The following BEST3 variants were observed in gnomAD, a reference collection of about 807,000 sequenced individuals.
The protein encoded by BEST3 is bestrophin 3, also known as bestrophin-3.
Under a neutral mutation model 47.1 loss-of-function variants are expected in BEST3, and 50 were observed. The observed-to-expected ratio is 1.06, with a 90% CI of 0.85 to 1.34. The LOEUF is 1.34. Among genes scored for constraint, BEST3 ranks in the 40% most tolerant of loss-of-function variants. The probability of loss-of-function intolerance (pLI) is 0.00; values close to 1 mark genes in which losing one functional copy is unlikely to be tolerated. For synonymous variants in BEST3, 282 were observed against 298.8 expected (o/e 0.94, Z 0.58); for missense variants, 765 against 817.0 (o/e 0.94, Z 0.78).
intron 4 of BEST3, among the ~76,000 whole-genome samples, chr12:69,682,490 C>A (rs1419998451): frequency 6.6e-6 from 1 of 152,172 alleles, no homozygotes; most frequent in African/African-American, 2.4e-5. Context: ...CTTCTTGTTT[C>A]TCAGTGCATC....
At chr12:69,669,709 C>A (rs1013951814) in intron 9 of BEST3, 4 of 152,130 alleles carry the variant, frequency 2.6e-5, no homozygotes, top group Admixed American at 1.3e-4. Flanking sequence ...TCCCAATGAT[C>A]TTTTGGGGAA....
chr12:69,643,594 C>A, exon 10 of BEST3: 1 of 563,750 alleles, frequency 1.8e-6, no homozygotes, highest in South Asian at 2.5e-5. Flanking sequence ...TGCCTGGATG[C>A]TAAAAAGTGG....
At chr12:69,676,523 C>T (rs566143827) in intron 7 of BEST3, among the ~76,000 whole-genome samples, 3 of 152,136 alleles carry the variant, frequency 2.0e-5, no homozygotes, top group Admixed American at 6.5e-5. Context: ...CAAGATTCTA[C>T]TACAATATTA....
chr12:69,694,328 A>C, intron 3 of BEST3, 42 bp downstream of exon 3: 1 of 1,279,670 alleles, frequency 7.8e-7, no homozygotes, highest in East Asian at 2.4e-5. Context: ...ATCCTAACGG[A>C]GACAGCTATG....
intron 4 of BEST3, among the ~76,000 whole-genome samples, chr12:69,692,721 G>A (rs965119603): frequency 7.2e-5 from 11 of 152,140 alleles, no homozygotes; most frequent in Admixed American, 3.3e-4. Context: ...GAGACAAACC[G>A]TATAGTGCTG....
downstream of BEST3, among the ~76,000 whole-genome samples, chr12:69,648,988 A>G (rs1883127213): frequency 6.6e-6 from 1 of 152,120 alleles, no homozygotes; most frequent in East Asian, 1.9e-4. Flanking sequence ...CTTCAATAAT[A>G]TTGGTAAGAA....
At chr12:69,676,154 T>C (rs1884904410) in intron 7 of BEST3, among the ~76,000 whole-genome samples, 1 of 152,206 alleles carries the variant, frequency 6.6e-6, no homozygotes, top group Non-Finnish European at 1.5e-5. Context: ...CATTCTCACC[T>C]CCTGAACCTG....
At chr12:69,687,622 C>G (rs374121818) in intron 4 of BEST3, among the ~76,000 whole-genome samples, 4 of 143,682 alleles carry the variant, frequency 2.8e-5, no homozygotes, top group African/African-American at 1.0e-4. Flanking sequence ...TATGACCGTG[C>G]TACTGCACTC....
chr12:69,655,265 AG>A lies in BEST3; in HGVS notation c.1648del (p.Leu550CysfsTer38). Reference protein sequence around the residue: ...EQQQGPMGSILSPSEKETPPG... With the variant: ...EQQQGPMGSIXSPSEKETPPG... The stretch of plus-strand genomic sequence containing the variant: ...AGGTGTCTCCTTCTCTGAGGGAGAC[AG>A]GATGGATCCCATGGGGCCCTGCTGC... On this transcript the variant is annotated frameshift_variant, in exon 10 of 10. Transcript: ENST00000330891. LOFTEE classifies it low-confidence loss of function (END_TRUNC). 6.2e-7 allele frequency: 1 copy of A among 1,614,192 alleles called. No individual in the cohort carries two copies. The highest frequency in any genetic ancestry group is 8.5e-7 in the Non-Finnish European group (1 of 1,180,020).
rs552654409 is a variant in BEST3 at position 69,654,733 on chromosome 12, C to T, written c.*174G>A. 10 of 1,346,982 alleles carry T rather than the reference C, an allele frequency of 7.4e-6. No individual in the cohort carries two copies. Among genetic ancestry groups the T allele is most frequent in the South Asian group, 2.4e-5 (1 of 41,868 alleles). 83.4% of individuals were successfully genotyped at this position (1,346,982 alleles called of 1,614,324 possible). A position where few individuals can be genotyped will look rare whatever the true frequency, so the allele number is the denominator to read the frequency against. ...GATGACGTGAATGCGTTTGATTTTT[C>T]GCAGCTCTCAAAAAGTCAGGATCAT... On this transcript the variant is annotated 3_prime_UTR_variant, in exon 10 of 10. Transcript: ENST00000330891.
chr12:69,690,062 T>G (rs142311089), intron 4 of BEST3, among the ~76,000 whole-genome samples: 5 of 152,304 alleles, frequency 3.3e-5, no homozygotes, highest in African/African-American at 1.2e-4. Flanking sequence ...AGGCCGTACA[T>G]CCAAAGGTTC....
chr12:69,677,547 G>A (rs1364955792), intron 5 of BEST3, among the ~76,000 whole-genome samples: 1 of 152,220 alleles, frequency 6.6e-6, no homozygotes, highest in African/African-American at 2.4e-5. Context: ...TAGGGAGGCC[G>A]AGGCAGGAGG....
At position 69,693,880 on chromosome 12, in the gene BEST3, C is replaced by G; in HGVS notation, c.275G>C (p.Arg92Pro). The change falls in exon 4 of 10, where the codon CGA becomes CCA. Residue 92 changes from arginine to proline, a missense_variant. Coordinates refer to ENST00000330891, the MANE Select transcript of BEST3 (RefSeq NM_032735.3). ...CAAATTCACAAACTGGTTCCACCAT[C>G]GGTTCACTACCAGAGTAACATAAAA... ...LGFYVTLVVN[R>P]WWNQFVNLPW... The G allele has an allele frequency of 1.9e-6, 3 of 1,611,720 alleles. No homozygotes were observed. The highest frequency in any genetic ancestry group is 1.7e-6 in the Non-Finnish European group (2 of 1,178,830).
chr12:69,691,846 C>T (rs1222575510), intron 4 of BEST3, among the ~76,000 whole-genome samples: 1 of 152,180 alleles, frequency 6.6e-6, no homozygotes, highest in African/African-American at 2.4e-5. Context: ...TTACCTGAAA[C>T]CAGTTTTATA....
Position 69,697,808 on chromosome 12 carries a change from T to C in BEST3, c.-10A>G, listed in dbSNP as rs1361995296. ...AGTAAGTGACAGTCATCTTGGATAG[T>C]TTTTTCTAGAAGAGCAAGAAGACAA... On this transcript the variant is annotated 5_prime_UTR_variant, in exon 2 of 10. Coordinates refer to ENST00000330891, the MANE Select transcript of BEST3 (RefSeq NM_032735.3). 6.3e-6 allele frequency: 10 copies of C among 1,598,172 alleles called. No individual in the cohort carries two copies. In the Admixed American group the frequency reaches 1.1e-4, roughly 17 times the overall value.
At chr12:69,698,682 C>A (rs751885646) in intron 1 of BEST3, among the ~76,000 whole-genome samples, 4 of 152,154 alleles carry the variant, frequency 2.6e-5, no homozygotes, top group Non-Finnish European at 5.9e-5. Context: ...AAAATAAATT[C>A]TGTAGCAGAT....
In BEST3 at chr12:69,645,757, A is replaced by G. The variant is rs112861352; in HGVS notation, c.1101-1970T>C. On this transcript the variant is annotated intron_variant, in intron 9 of 9. Transcript: ENST00000331471. Reference sequence around the variant, plus strand: ...TGTCGTGAGGACCGATTGAAGTGATATATATAAAACACCAGGCACATCCTA... The same window carrying G: ...TGTCGTGAGGACCGATTGAAGTGATGTATATAAAACACCAGGCACATCCTA... 4.5e-3 allele frequency among the ~76,000 whole-genome samples: 678 copies of G among 151,896 alleles called. 6 individuals are homozygous for G. Among genetic ancestry groups the G allele is most frequent in the African/African-American group, 0.016 (670 of 41,344 alleles).
intron 2 of BEST3, among the ~76,000 whole-genome samples, chr12:69,695,350 T>C (rs557258019): frequency 4.5e-4 from 69 of 152,222 alleles, no homozygotes; most frequent in African/African-American, 1.6e-3. Context: ...AGTAGAACTT[T>C]GATAAAGGAA....
At chr12:69,689,013 T>C in intron 4 of BEST3, 1 of 764,206 alleles carries the variant, frequency 1.3e-6, no homozygotes, top group Non-Finnish European at 1.6e-6. Context: ...GACAAGAAGG[T>C]CCCTCGTGCC....
Sources: gnomAD v4.1 joint callset for allele counts (sites outside exome capture counted in the v4.1 genomes callset) on GRCh38, gnomAD v4.1.1 for gene constraint, MANE v1.5 for transcripts, NCBI Gene and HGNC (gene_info 2026-07-23, HGNC 2026-07-21) for gene names.